ANXA11: variants seen among roughly 807,000 people sequenced by gnomAD.
ANXA11 encodes 56 kDa autoantigen.
ANXA11 carries 57 observed loss-of-function variants against 64.7 expected under a neutral mutation model. The ratio of observed to expected loss-of-function variants is 0.88; its 90% CI spans 0.71 to 1.10. ANXA11 has a LOEUF of 1.10. Ranked by LOEUF, ANXA11 falls within the 50% of genes least tolerant of loss-of-function variation. The probability of loss-of-function intolerance (pLI) is 0.00; values close to 1 mark genes in which losing one functional copy is unlikely to be tolerated. For synonymous variants in ANXA11, 260 were observed against 265.2 expected (o/e 0.98, Z 0.19); for missense variants, 675 against 670.7 (o/e 1.01, Z -0.07).
intron 1 of ANXA11, among the ~76,000 whole-genome samples, chr10:80,183,369 AC>A (rs1846423903): frequency 1.3e-5 from 2 of 152,210 alleles, no homozygotes; most frequent in East Asian, 1.9e-4. Context: ...ACCAGGGGCA[AC>A]CCTTTTTGAG....
At position 80,172,865 on chromosome 10, in the gene ANXA11, T is replaced by C. The variant is rs1846033861; in HGVS notation, c.-4A>G. 5 of 1,613,794 alleles carry C rather than the reference T, an allele frequency of 3.1e-6. No homozygotes were observed. In the East Asian group the frequency reaches 1.1e-4, roughly 36 times the overall value. On this transcript the variant is annotated 5_prime_UTR_variant, in exon 3 of 16. Coordinates refer to ENST00000422982, the MANE Select transcript of ANXA11 (RefSeq NM_145868.2). ...GGGGATAGCCAGGGTAGCTCATGGT[T>C]AGATCTGGAAGAGAAGACGAAAGCA...
At chr10:80,187,571 T>A (rs12262468) in intron 1 of ANXA11, among the ~76,000 whole-genome samples, 82 of 99,188 alleles carry the variant, frequency 8.3e-4, no homozygotes, top group South Asian at 4.2e-3. Context: ...ACACACACAC[T>A]CTCTCTCTCT....
Position 80,163,594 on chromosome 10 carries a change from T to C in ANXA11, c.969A>G (p.Glu323=), listed in dbSNP as rs1306397366. 6 of 1,556,598 alleles carry C rather than the reference T, an allele frequency of 3.9e-6. No individual in the cohort carries two copies. The highest frequency in any genetic ancestry group is 1.2e-5 in the South Asian group (1 of 84,616). Residue 323 remains glutamate, a synonymous_variant, in exon 10 of 16, where the codon GAA becomes GAG. Coordinates refer to ENST00000422982, the MANE Select transcript of ANXA11 (RefSeq NM_145868.2). ...AYKAEFKKTL[E]EAIRSDTSGH... ...CTGATGTGTCGCTTCGAATGGCCTC[T>C]TCCAGGGTCTTTTTGAATTCTGAAA...
intron 15 of ANXA11, chr10:80,156,512 T>C (rs1442812999): frequency 6.4e-6 from 3 of 467,724 alleles, no homozygotes; most frequent in Non-Finnish European, 1.3e-5. Flanking sequence ...TAATGAATTA[T>C]TAACTCTCTT....
At chr10:80,194,667 C>T (rs773629071) in intron 1 of ANXA11, among the ~76,000 whole-genome samples, 6 of 152,152 alleles carry the variant, frequency 3.9e-5, no homozygotes, top group East Asian at 1.9e-4. Context: ...TCAATGAGTG[C>T]GCCTGCAGGG....
intron 1 of ANXA11, among the ~76,000 whole-genome samples, chr10:80,203,885 T>C (rs1840557557): frequency 6.6e-6 from 1 of 152,212 alleles, no homozygotes; most frequent in African/African-American, 2.4e-5. Flanking sequence ...GCATTTCAAC[T>C]TTAGCTGAAC....
chr10:80,167,266 C>CA lies in ANXA11; in HGVS notation c.608dup (p.Arg204AlafsTer17). 1 of 1,614,144 alleles carries CA rather than the reference C, an allele frequency of 6.2e-7. No homozygotes were observed. The highest frequency in any genetic ancestry group is 8.5e-7 in the Non-Finnish European group (1 of 1,180,024). ...CCTTCCGCAGGACCTCGGCATCTCGCAGGGGGTCAAAGCCGGGAGCATCAG... is the reference window on the plus strand; with the variant it reads ...CCTTCCGCAGGACCTCGGCATCTCGCAAGGGGGTCAAAGCCGGGAGCATCAG... On this transcript the variant is annotated frameshift_variant, in exon 6 of 16. Transcript: ENST00000422982. LOFTEE classifies it high-confidence loss of function.
intron 12 of ANXA11, among the ~76,000 whole-genome samples, chr10:80,160,918 A>T (rs1019260233): frequency 6.6e-6 from 1 of 151,746 alleles, no homozygotes; most frequent in African/African-American, 2.4e-5. Context: ...TCTCTCTCCC[A>T]CACGTCACGT....
chr10:80,178,548 C>T (rs1057459241), intron 1 of ANXA11, among the ~76,000 whole-genome samples: 1 of 152,242 alleles, frequency 6.6e-6, no homozygotes, highest in African/African-American at 2.4e-5. Flanking sequence ...TTCCTCACTG[C>T]GACCATCCAC....
At chr10:80,172,205 A>G (rs1200989794) in intron 3 of ANXA11, among the ~76,000 whole-genome samples, 1 of 152,178 alleles carries the variant, frequency 6.6e-6, no homozygotes, top group African/African-American at 2.4e-5. Context: ...TTTGAGGACC[A>G]AAAGGGGCCA....
intron 3 of ANXA11, 118 bp downstream of exon 3, chr10:80,172,689 T>A: frequency 1.9e-6 from 2 of 1,054,468 alleles, no homozygotes; most frequent in African/African-American, 1.6e-5. Context: ...TCTCCTCCCC[T>A]GCTGGGCCGT....
At chr10:80,170,980 T>C in intron 3 of ANXA11, 65 bp from the exon 4 acceptor site, 4 of 1,535,986 alleles carry the variant, frequency 2.6e-6, no homozygotes, top group Non-Finnish European at 3.5e-6. Flanking sequence ...AAGGCAGAGA[T>C]GAGAGCTCCC....
chr10:80,188,499 A>ATT, intron 1 of ANXA11, among the ~76,000 whole-genome samples: 1 of 96,278 alleles, frequency 1.0e-5, no homozygotes, highest in African/African-American at 4.2e-5. Flanking sequence ...ATATATATAT[A>ATT]TATATATATA....
At chr10:80,186,500 G>A (rs1468045770) in intron 1 of ANXA11, among the ~76,000 whole-genome samples, 3 of 152,184 alleles carry the variant, frequency 2.0e-5, no homozygotes, top group Non-Finnish European at 4.4e-5. Flanking sequence ...CACTCCAAGA[G>A]TAGAGGGGAC....
At chr10:80,161,874 C>T (rs560541777) in intron 12 of ANXA11, 61 bp downstream of exon 12, 1 of 1,424,756 alleles carries the variant, frequency 7.0e-7, no homozygotes, top group East Asian at 2.3e-5. Flanking sequence ...AGCTTTGTTT[C>T]CCCACAATCC....
chr10:80,165,075 G>A (rs1845669736), intron 8 of ANXA11, among the ~76,000 whole-genome samples: 1 of 152,178 alleles, frequency 6.6e-6, no homozygotes, highest in African/African-American at 2.4e-5. Flanking sequence ...TCATGACTCC[G>A]GCTGAAGACG....
At chr10:80,177,182 T>C (rs1473677653) in intron 1 of ANXA11, among the ~76,000 whole-genome samples, 2 of 152,024 alleles carry the variant, frequency 1.3e-5, no homozygotes, top group Admixed American at 1.3e-4. Context: ...AGAGACAGAG[T>C]TTCACTATGT....
chr10:80,179,463 G>A (rs1846281771), intron 1 of ANXA11, among the ~76,000 whole-genome samples: 2 of 152,190 alleles, frequency 1.3e-5, no homozygotes, highest in African/African-American at 4.8e-5. Flanking sequence ...GTGTGAGAAT[G>A]GACGAATATA....
intron 1 of ANXA11, among the ~76,000 whole-genome samples, chr10:80,183,757 G>A (rs1846440052): frequency 6.6e-6 from 1 of 152,192 alleles, no homozygotes; most frequent in South Asian, 2.1e-4. Flanking sequence ...AGTGCAATAA[G>A]CATGCTTTAA....
Sources: gnomAD v4.1 joint callset for allele counts (sites outside exome capture counted in the v4.1 genomes callset) on GRCh38, gnomAD v4.1.1 for gene constraint, MANE v1.5 for transcripts, NCBI Gene and HGNC (gene_info 2026-07-23, HGNC 2026-07-21) for gene names.